The following FMN1 variants were observed in gnomAD, a reference collection of about 807,000 sequenced individuals.
The protein encoded by FMN1 is formin 1.
FMN1 carries 110 observed loss-of-function variants against 132.4 expected under a neutral mutation model. The ratio of observed to expected loss-of-function variants is 0.83; its 90% CI spans 0.71 to 0.97. The LOEUF (loss-of-function observed/expected upper bound fraction) is 0.97, where lower values mean the gene tolerates loss of function less well. Ranked by LOEUF, FMN1 falls within the 50% of genes least tolerant of loss-of-function variation. The pLI is 0.00. For missense variants in FMN1, 1,792 were observed against 1,705.3 expected (o/e 1.05, Z -0.90); for synonymous variants, 722 against 651.7 (o/e 1.11, Z -1.64).
At chr15:32,890,429 C>T (rs953675417) in intron 15 of FMN1, among the ~76,000 whole-genome samples, 1 of 152,220 alleles carries the variant, frequency 6.6e-6, no homozygotes, top group African/African-American at 2.4e-5. Context: ...TCCATGCCAA[C>T]ATCTGTTTTC....
chr15:32,951,881 T>TA (rs2061662239), intron 9 of FMN1, among the ~76,000 whole-genome samples: 1 of 152,172 alleles, frequency 6.6e-6, no homozygotes, highest in African/African-American at 2.4e-5. Context: ...CTTCCATACT[T>TA]AGTCTAGTGG....
intron 9 of FMN1, among the ~76,000 whole-genome samples, chr15:32,956,258 G>T (rs1264277086): frequency 6.6e-6 from 1 of 151,844 alleles, no homozygotes; most frequent in Non-Finnish European, 1.5e-5. Context: ...AGTTACTGTT[G>T]AACAGCCAAC....
intron 15 of FMN1, among the ~76,000 whole-genome samples, chr15:32,894,803 A>G (rs1383141344): frequency 1.3e-5 from 2 of 151,702 alleles, no homozygotes; most frequent in Non-Finnish European, 2.9e-5. Flanking sequence ...AAACGCTTAC[A>G]ATCCTAATAT....
intron 7 of FMN1, among the ~76,000 whole-genome samples, chr15:32,979,966 T>C (rs2032520513): frequency 6.6e-6 from 1 of 152,188 alleles, no homozygotes; most frequent in African/African-American, 2.4e-5. Flanking sequence ...AATCACCTTC[T>C]CCTTGCCACT....
At chr15:32,833,501 T>G (rs1340083586) in intron 17 of FMN1, among the ~76,000 whole-genome samples, 1 of 152,078 alleles carries the variant, frequency 6.6e-6, no homozygotes, top group African/African-American at 2.4e-5. Flanking sequence ...GCCCCAATAT[T>G]AGTCCATACA....
Position 33,008,063 on chromosome 15 carries a change from G to T in FMN1, c.2174C>A (p.Ala725Asp). ...LKYTEAEYQA[A>D]ILHLKREHKE... ...GTGCTCCCTCTTCAAGTGTAAAATAGCAGCTTGGTATTCTGTAAAATCAAA... is the reference window on the plus strand; with the variant it reads ...GTGCTCCCTCTTCAAGTGTAAAATATCAGCTTGGTATTCTGTAAAATCAAA... Residue 725 changes from alanine to aspartate, a missense_variant, in exon 7 of 21, where the codon GCT becomes GAT. Physicochemically the swap from Ala to Asp is moderately radical, Grantham distance 126 (BLOSUM62 -2). This residue lies in a region of FMN1 where 1,150 missense variants were observed against 1,043.1 expected (regional missense o/e 1.10). Coordinates refer to ENST00000616417, the MANE Select transcript of FMN1 (RefSeq NM_001277313.2). The T allele has an allele frequency of 6.3e-7, 1 of 1,596,970 alleles. No homozygotes were observed. Among genetic ancestry groups the T allele is most frequent in the Non-Finnish European group, 8.5e-7 (1 of 1,170,608 alleles).
At chr15:33,073,144 C>T (rs564593167) in intron 5 of FMN1, among the ~76,000 whole-genome samples, 1 of 152,302 alleles carries the variant, frequency 6.6e-6, no homozygotes, top group South Asian at 2.1e-4. Flanking sequence ...CTCTTTGTAG[C>T]ACTTCTCGCT....
intron 4 of FMN1, among the ~76,000 whole-genome samples, chr15:33,117,995 G>T (rs2039992404): frequency 6.6e-6 from 1 of 152,126 alleles, no homozygotes; most frequent in Non-Finnish European, 1.5e-5. Context: ...AATTTGCAAA[G>T]ACTTTTGCAT....
chr15:33,137,311 C>T (rs951249321), intron 4 of FMN1, among the ~76,000 whole-genome samples: 1 of 152,148 alleles, frequency 6.6e-6, no homozygotes, highest in Non-Finnish European at 1.5e-5. Flanking sequence ...TTCACTGTTG[C>T]CTGCACTCAG....
At chr15:32,983,017 T>C (rs1401777945) in intron 7 of FMN1, among the ~76,000 whole-genome samples, 2 of 152,160 alleles carry the variant, frequency 1.3e-5, no homozygotes, top group Non-Finnish European at 2.9e-5. Context: ...TCTATATATT[T>C]TACGTATACA....
chr15:32,927,784 TAA>T (rs147819465), intron 9 of FMN1, among the ~76,000 whole-genome samples: 2,052 of 152,218 alleles, frequency 0.013, 41 homozygotes, highest in African/African-American at 0.047. Flanking sequence ...GCTACAAAAA[TAA>T]AAGAGAAGCA....
intron 6 of FMN1, among the ~76,000 whole-genome samples, chr15:33,043,033 T>G (rs1048976679): frequency 1.3e-5 from 2 of 152,088 alleles, no homozygotes; most frequent in African/African-American, 4.8e-5. Context: ...CTCAAAATGG[T>G]TTGACTTATG....
At chr15:33,158,532 C>T (rs77300420) in intron 3 of FMN1, among the ~76,000 whole-genome samples, 4,201 of 152,116 alleles carry the variant, frequency 0.028, 210 homozygotes, top group African/African-American at 0.095. Context: ...TGCACATGTC[C>T]GGAACCAAAG....
chr15:32,928,379 C>T (rs761646290), intron 9 of FMN1, among the ~76,000 whole-genome samples: 7 of 151,882 alleles, frequency 4.6e-5, no homozygotes, highest in Non-Finnish European at 1.0e-4. Context: ...AATGCAATTT[C>T]TGGCTTTTTC....
At chr15:33,102,524 TTTC>T (rs143439711) in intron 4 of FMN1, among the ~76,000 whole-genome samples, 16,842 of 152,050 alleles carry the variant, frequency 0.11, 1,107 homozygotes, top group Non-Finnish European at 0.16. Context: ...TTCCTCATTC[TTTC>T]TTCTTTTCCT....
At chr15:33,139,650 A>G (rs1241099583) in intron 4 of FMN1, among the ~76,000 whole-genome samples, 1 of 152,204 alleles carries the variant, frequency 6.6e-6, no homozygotes, top group Non-Finnish European at 1.5e-5. Context: ...CAATGTCACT[A>G]AAGATCCAAA....
At chr15:32,829,877 A>G (rs1048178921) in intron 17 of FMN1, among the ~76,000 whole-genome samples, 1 of 152,204 alleles carries the variant, frequency 6.6e-6, no homozygotes, top group African/African-American at 2.4e-5. Flanking sequence ...CAAGATTTAG[A>G]CAAATACCCA....
chr15:33,090,740 G>C (rs1355407607), intron 4 of FMN1, among the ~76,000 whole-genome samples: 1 of 152,116 alleles, frequency 6.6e-6, no homozygotes, highest in African/African-American at 2.4e-5. Flanking sequence ...CCCACTTCTA[G>C]TCTCAAGACA....
intron 4 of FMN1, among the ~76,000 whole-genome samples, chr15:33,141,388 A>G (rs1351396844): frequency 6.6e-6 from 1 of 152,136 alleles, no homozygotes; most frequent in Non-Finnish European, 1.5e-5. Context: ...AGCATCATTC[A>G]TCAAATAATT....
Sources: allele counts gnomAD v4.1 joint callset (sites outside exome capture counted in the v4.1 genomes callset), GRCh38; gene constraint gnomAD v4.1.1; regional missense constraint gnomAD v4.1.1; transcripts MANE v1.5; gene names NCBI Gene and HGNC (gene_info 2026-07-23, HGNC 2026-07-21).